SHLD2: variants seen among roughly 807,000 people sequenced by gnomAD.
SHLD2 encodes the protein RINN1-REV7-interacting novel NHEJ regulator 2.
SHLD2 carries 30 observed loss-of-function variants against 73.2 expected under a neutral mutation model. The observed-to-expected ratio is 0.41, with a 90% CI of 0.31 to 0.56. The LOEUF (loss-of-function observed/expected upper bound fraction) is 0.56. Among genes scored for constraint, SHLD2 ranks in the 20% least tolerant of loss-of-function variants. SHLD2 has a pLI of 0.28. For synonymous variants in SHLD2, 285 were observed against 370.1 expected (o/e 0.77, Z 2.64); for missense variants, 745 against 1,055.9 (o/e 0.71, Z 4.08).
At position 87,183,207 on chromosome 10, in the gene SHLD2, A is replaced by T. The variant is rs1429370532; in HGVS notation, c.2399+2904A>T. Among the ~76,000 whole-genome samples, 3 of 152,242 alleles carry T rather than the reference A, an allele frequency of 2.0e-5. No individual in the cohort carries two copies. The East Asian group carries it at 5.8e-4, about 29-fold the overall frequency. ...TGATTGGTAGGTAAAGAGAGAGCAC[A>T]GGTACATTGCAAATCATTGACAGTT... On this transcript the variant is annotated intron_variant, in intron 8 of 9. Coordinates refer to ENST00000298786, the MANE Select transcript of SHLD2 (RefSeq NM_001330112.2).
chr10:87,152,097 C>G lies in SHLD2; in HGVS notation c.743C>G (p.Ser248Cys). ...TDTEFLSIIT[S>C]SQVAFLAQKK... ...ACAGAATTTCTCAGTATAATTACCT[C>G]CAGCCAGGTTGCTTTTTTAGCTCAA... Residue 248 changes from serine to cysteine, a missense_variant, in exon 3 of 10, where the codon TCC becomes TGC. By Grantham distance (112) the Ser-to-Cys change is moderately radical (BLOSUM62 -1). Coordinates refer to ENST00000298786, the MANE Select transcript of SHLD2 (RefSeq NM_001330112.2). The G allele has an allele frequency of 1.2e-6, 2 of 1,611,940 alleles. No homozygotes were observed. The highest frequency in any genetic ancestry group is 1.7e-6 in the Non-Finnish European group (2 of 1,179,832).
chr10:87,100,783 C>T (rs1422355941), intron 2 of SHLD2, among the ~76,000 whole-genome samples: 1 of 152,090 alleles, frequency 6.6e-6, no homozygotes, highest in Non-Finnish European at 1.5e-5. Flanking sequence ...AGGCCGATTA[C>T]TCTAGCTTTG....
At chr10:87,121,198 C>G (rs1843594976) in intron 2 of SHLD2, among the ~76,000 whole-genome samples, 1 of 152,036 alleles carries the variant, frequency 6.6e-6, no homozygotes, top group South Asian at 2.1e-4. Flanking sequence ...GATCTCTGCT[C>G]ACTGCAACCT....
chr10:87,138,460 G>A (rs1039067796), intron 2 of SHLD2, among the ~76,000 whole-genome samples: 3 of 151,356 alleles, frequency 2.0e-5, no homozygotes, highest in Non-Finnish European at 4.4e-5. Context: ...AGACTTTTGG[G>A]ACATATCAAG....
intron 2 of SHLD2, among the ~76,000 whole-genome samples, chr10:87,108,697 A>AAAAAGTC (rs1182021753): frequency 1.3e-5 from 2 of 152,238 alleles, no homozygotes; most frequent in Non-Finnish European, 2.9e-5. Context: ...ACTTTAGGAT[A>AAAAAGTC]AAAAGTCAGT....
Position 87,152,446 on chromosome 10 carries a change from G to T in SHLD2, c.1092G>T (p.Leu364=). ...TTGAGTTGTGTAGCTCAGGAATACT[G>T]TGTTCCCAACTAAATACCTTCCACA... The part of the protein sequence containing the change: ...IRIELCSSGI[L]CSQLNTFHKS... The change falls in exon 3 of 10, where the codon CTG becomes CTT. Residue 364 remains leucine, a synonymous_variant. Transcript: ENST00000298786. The T allele has an allele frequency of 6.2e-7, 1 of 1,602,212 alleles. No homozygotes were observed. The highest frequency in any genetic ancestry group is 8.5e-7 in the Non-Finnish European group (1 of 1,176,738).
At chr10:87,175,253 G>C (rs1361602729) in intron 6 of SHLD2, among the ~76,000 whole-genome samples, 7 of 152,058 alleles carry the variant, frequency 4.6e-5, no homozygotes, top group Non-Finnish European at 8.8e-5. Flanking sequence ...GTTCATTTCA[G>C]TGTCCTTTCT....
intron 2 of SHLD2, among the ~76,000 whole-genome samples, chr10:87,134,912 A>C (rs1439389362): frequency 2.0e-5 from 3 of 152,194 alleles, no homozygotes; most frequent in South Asian, 4.1e-4. Context: ...GCACGAGGGC[A>C]CCTGAGCTTC....
chr10:87,101,989 T>G (rs1842296275), intron 2 of SHLD2, among the ~76,000 whole-genome samples: 1 of 152,250 alleles, frequency 6.6e-6, no homozygotes, highest in South Asian at 2.1e-4. Context: ...ATATGCAAGA[T>G]GCTGTCATTT....
chr10:87,153,096 C>G lies in SHLD2; in HGVS notation c.1525+217C>G, dbSNP rs1411407138. On this transcript the variant is annotated intron_variant, in intron 3 of 9. Transcript: ENST00000298786. ...GGCCTCTGTTCTATCCTTCTCAGCT[C>G]TGTCCCTTCTTTCCACTTATCCCCT... is the stretch of plus-strand genomic sequence containing the variant. 2.0e-5 allele frequency among the ~76,000 whole-genome samples: 3 copies of G among 152,184 alleles called. No individual in the cohort carries two copies. In the South Asian group the frequency reaches 6.2e-4, roughly 32 times the overall value.
At chr10:87,101,649 C>G (rs1179163941) in intron 2 of SHLD2, among the ~76,000 whole-genome samples, 1 of 152,206 alleles carries the variant, frequency 6.6e-6, no homozygotes, top group Non-Finnish European at 1.5e-5. Flanking sequence ...TGGCTCACGC[C>G]TGTAATCCTA....
At chr10:87,116,460 A>G (rs544868093) in intron 2 of SHLD2, among the ~76,000 whole-genome samples, 86 of 151,982 alleles carry the variant, frequency 5.7e-4, no homozygotes, top group African/African-American at 2.0e-3. Flanking sequence ...GTTGCAGTAC[A>G]GATGAGAATA....
At chr10:87,177,871 T>C (rs145309903) in intron 7 of SHLD2, among the ~76,000 whole-genome samples, 3,127 of 152,294 alleles carry the variant, frequency 0.021, 52 homozygotes, top group Middle Eastern at 0.037. Flanking sequence ...CTTTTAATTC[T>C]TTTCAAGAGT....
intron 8 of SHLD2, among the ~76,000 whole-genome samples, chr10:87,183,412 G>A (rs1848428995): frequency 1.3e-5 from 2 of 152,024 alleles, no homozygotes; most frequent in Admixed American, 1.3e-4. Context: ...CTTTTGCTTG[G>A]TTTCTGCACC....
chr10:87,096,201 C>A (rs1471813201), intron 1 of SHLD2, among the ~76,000 whole-genome samples: 1 of 151,978 alleles, frequency 6.6e-6, no homozygotes, highest in Non-Finnish European at 1.5e-5. Flanking sequence ...CGCGCCACCA[C>A]GCCCGGCTAA....
In SHLD2 at chr10:87,190,533, C is replaced by A. The variant is rs1564619301; in HGVS notation, c.2565C>A (p.His855Gln). Residue 855 changes from histidine to glutamine, a missense_variant, in exon 10 of 10, where the codon CAC (histidine) becomes CAA (glutamine). This residue lies in a region of SHLD2 where 418 missense variants were observed against 567.8 expected (regional missense o/e 0.74). Coordinates refer to ENST00000298786, the MANE Select transcript of SHLD2 (RefSeq NM_001330112.2). ...GGATGGTCGTGGCAGACCTGTTCCA[C>A]TCCTTGTTGGCAGTCAGCGCAGAAC... is the stretch of plus-strand genomic sequence containing the variant. ...TYGMVVADLF[H>Q]SLLAVSAEPC... 1 of 1,611,964 alleles carries A rather than the reference C, an allele frequency of 6.2e-7. No homozygotes were observed. The highest frequency in any genetic ancestry group is 2.3e-4 in the Middle Eastern group (1 of 4,430).
At chr10:87,183,494 A>T (rs1273233772) in intron 8 of SHLD2, among the ~76,000 whole-genome samples, 1 of 152,172 alleles carries the variant, frequency 6.6e-6, no homozygotes, top group East Asian at 1.9e-4. Context: ...GCCTATAAAG[A>T]CACTCCCATA....
intron 2 of SHLD2, among the ~76,000 whole-genome samples, chr10:87,146,806 C>A (rs1364264425): frequency 6.6e-6 from 1 of 151,836 alleles, no homozygotes. Flanking sequence ...CCTCTAATCT[C>A]AGCACTTTGG....
At chr10:87,139,195 T>C (rs1161672952) in intron 2 of SHLD2, among the ~76,000 whole-genome samples, 2 of 151,832 alleles carry the variant, frequency 1.3e-5, no homozygotes. Context: ...ACAAAGGACA[T>C]TGGCTAGAGT....
Sources: allele counts gnomAD v4.1 joint callset (sites outside exome capture counted in the v4.1 genomes callset), GRCh38; gene constraint gnomAD v4.1.1; regional missense constraint gnomAD v4.1.1; transcripts MANE v1.5; gene names NCBI Gene and HGNC (gene_info 2026-07-23, HGNC 2026-07-21).